Variants in SPAG16 observed in about 807,000 individuals in gnomAD.
SPAG16 encodes the protein sperm associated antigen 16, also known as sperm-associated antigen 16 protein.
In SPAG16, 86 loss-of-function variants were observed where a neutral mutation model predicts 80.4. The ratio of observed to expected loss-of-function variants is 1.07; its 90% confidence interval spans 0.90 to 1.28. SPAG16 has a LOEUF of 1.28. Ranked by LOEUF, SPAG16 falls within the 50% of genes most tolerant of loss-of-function variation. SPAG16 has a pLI of 0.00. For missense variants in SPAG16, 870 were observed against 765.3 expected (o/e 1.14, Z -1.61); for synonymous variants, 294 against 265.9 (o/e 1.11, Z -1.03).
chr2:213,811,749 A>G (rs2072168299), intron 10 of SPAG16, among the ~76,000 whole-genome samples: 1 of 152,140 alleles, frequency 6.6e-6, no homozygotes, highest in South Asian at 2.1e-4. Flanking sequence ...TTTTGCTGGT[A>G]TAATTTATAT....
At chr2:213,633,082 T>A (rs1464897177) in intron 10 of SPAG16, among the ~76,000 whole-genome samples, 1 of 152,174 alleles carries the variant, frequency 6.6e-6, no homozygotes, top group Non-Finnish European at 1.5e-5. Context: ...AATTCAGCAG[T>A]GAAGCCATCA....
chr2:213,849,960 G>C (rs996315386), intron 10 of SPAG16, among the ~76,000 whole-genome samples: 1 of 152,170 alleles, frequency 6.6e-6, no homozygotes, highest in African/African-American at 2.4e-5. Flanking sequence ...AAGAAGTGCG[G>C]TGATTTAGTA....
At chr2:213,759,606 G>A (rs1377930609) in intron 10 of SPAG16, among the ~76,000 whole-genome samples, 1 of 151,348 alleles carries the variant, frequency 6.6e-6, no homozygotes, top group African/African-American at 2.4e-5. Context: ...AATCCCTATG[G>A]TAACCACCAA....
At chr2:213,441,804 C>T (rs1321667709) in intron 9 of SPAG16, among the ~76,000 whole-genome samples, 2 of 152,058 alleles carry the variant, frequency 1.3e-5, no homozygotes, top group African/African-American at 2.4e-5. Flanking sequence ...AGTTAATATA[C>T]AAAAGTCAAC....
intron 10 of SPAG16, among the ~76,000 whole-genome samples, chr2:213,848,082 C>A (rs2074720315): frequency 6.6e-6 from 1 of 152,028 alleles, no homozygotes; most frequent in African/African-American, 2.4e-5. Flanking sequence ...ATTTATTTCC[C>A]TGAATTTGGT....
intron 10 of SPAG16, among the ~76,000 whole-genome samples, chr2:213,682,112 C>G (rs2064421420): frequency 6.6e-6 from 1 of 152,178 alleles, no homozygotes; most frequent in Non-Finnish European, 1.5e-5. Context: ...TCTCCCTATT[C>G]TTCCAGAATT....
At chr2:213,471,525 G>T (rs1167855412) in intron 9 of SPAG16, among the ~76,000 whole-genome samples, 8 of 152,202 alleles carry the variant, frequency 5.3e-5, no homozygotes, top group Non-Finnish European at 1.2e-4. Flanking sequence ...AAGGAGAGTA[G>T]TTATCTGCAG....
intron 3 of SPAG16, among the ~76,000 whole-genome samples, chr2:213,302,086 G>A (rs2062761880): frequency 6.6e-6 from 1 of 152,058 alleles, no homozygotes. Flanking sequence ...GTCAACTTTA[G>A]AATGTTCATA....
chr2:213,437,734 C>T (rs1051057042), intron 9 of SPAG16, among the ~76,000 whole-genome samples: 1 of 152,160 alleles, frequency 6.6e-6, no homozygotes, highest in Non-Finnish European at 1.5e-5. Context: ...GAGCTAAAAA[C>T]AAAATGCAAT....
intron 15 of SPAG16, among the ~76,000 whole-genome samples, chr2:214,393,449 A>G (rs900294928): frequency 6.6e-6 from 1 of 152,108 alleles, no homozygotes; most frequent in Non-Finnish European, 1.5e-5. Context: ...AAAAGGCAAG[A>G]TATTTATTTA....
chr2:213,695,673 C>G (rs374805542), intron 10 of SPAG16, among the ~76,000 whole-genome samples: 2 of 152,136 alleles, frequency 1.3e-5, no homozygotes, highest in East Asian at 1.9e-4. Flanking sequence ...CAGAGAATGA[C>G]AAGAAGGAGC....
chr2:213,484,145 A>T (rs1356367697), intron 9 of SPAG16, among the ~76,000 whole-genome samples: 1 of 152,230 alleles, frequency 6.6e-6, no homozygotes, highest in Non-Finnish European at 1.5e-5. Context: ...TAAATTTAAA[A>T]TACAATAAAA....
intron 2 of SPAG16, among the ~76,000 whole-genome samples, chr2:213,296,680 A>G (rs2062512568): frequency 6.6e-6 from 1 of 152,208 alleles, no homozygotes; most frequent in South Asian, 2.1e-4. Flanking sequence ...AGACAGGATG[A>G]AAATTGGAGA....
chr2:213,799,397 A>G (rs1288868634), intron 10 of SPAG16, among the ~76,000 whole-genome samples: 1 of 152,028 alleles, frequency 6.6e-6, no homozygotes, highest in Non-Finnish European at 1.5e-5. Flanking sequence ...TAAAAATGCA[A>G]TTTATTTTTA....
chr2:213,409,027 C>T (rs576040840), intron 9 of SPAG16, among the ~76,000 whole-genome samples: 23 of 149,948 alleles, frequency 1.5e-4, no homozygotes, highest in African/African-American at 5.7e-4. Flanking sequence ...GAATGGTTAT[C>T]TTCAAGAGGG....
At chr2:213,309,943 C>G in intron 3 of SPAG16, 116 bp from the exon 4 acceptor site, 1 of 638,120 alleles carries the variant, frequency 1.6e-6, no homozygotes, top group Non-Finnish European at 2.7e-6. Flanking sequence ...ATATAACAGT[C>G]AACAAACATT....
intron 10 of SPAG16, among the ~76,000 whole-genome samples, chr2:213,506,808 A>T (rs1456995854): frequency 6.6e-6 from 1 of 152,178 alleles, no homozygotes; most frequent in East Asian, 1.9e-4. Context: ...GTTAAGCTTG[A>T]TTTGCTGCCT....
chr2:213,632,697 C>G (rs2062200570), intron 10 of SPAG16, among the ~76,000 whole-genome samples: 1 of 151,906 alleles, frequency 6.6e-6, no homozygotes, highest in South Asian at 2.1e-4. Context: ...TGAATTTTAT[C>G]AAATACTTTT....
intron 9 of SPAG16, among the ~76,000 whole-genome samples, chr2:213,379,437 C>G (rs960768982): frequency 6.6e-6 from 1 of 152,142 alleles, no homozygotes; most frequent in African/African-American, 2.4e-5. Context: ...CATGGTAAGA[C>G]CAGTAGATTC....
Sources: allele counts gnomAD v4.1 joint callset (sites outside exome capture counted in the v4.1 genomes callset), GRCh38; gene constraint gnomAD v4.1.1; transcripts MANE v1.5; gene names NCBI Gene and HGNC (gene_info 2026-07-23, HGNC 2026-07-21).